The following SIX1 variants were observed in gnomAD, a reference collection of about 807,000 sequenced individuals.
SIX1 encodes the protein homeobox protein SIX1.
A neutral mutation model predicts 26.5 loss-of-function variants in SIX1; 11 were observed. That is an observed-to-expected ratio of 0.41 (90% confidence interval 0.26 to 0.69). The LOEUF is 0.69. SIX1 is among the 30% of genes least tolerant of loss of function. The probability of loss-of-function intolerance (pLI) is 0.28; values close to 1 mark genes in which losing one functional copy is unlikely to be tolerated. For synonymous variants in SIX1, 177 were observed against 166.2 expected (o/e 1.06, Z -0.50); for missense variants, 333 against 365.9 (o/e 0.91, Z 0.73).
Position 60,646,158 on chromosome 14 carries a change from C to T in SIX1, c.*125G>A. On this transcript the variant is annotated 3_prime_UTR_variant, in exon 2 of 2. Coordinates refer to ENST00000645694, the MANE Select transcript of SIX1 (RefSeq NM_005982.4). ...AGATATTTGTGAAAGTCCACCATTCCTTTATGCGCAAACAACTCCAGAAAC... is the reference window on the plus strand; with the variant it reads ...AGATATTTGTGAAAGTCCACCATTCTTTTATGCGCAAACAACTCCAGAAAC... 2.3e-6 allele frequency: 2 copies of T among 880,492 alleles called. No individual in the cohort carries two copies. Among genetic ancestry groups the T allele is most frequent in the South Asian group, 1.8e-5 (1 of 55,830 alleles). 54.5% of individuals were successfully genotyped at this position (880,492 alleles called of 1,614,324 possible). A position where few individuals can be genotyped will look rare whatever the true frequency, so the allele number is the denominator to read the frequency against.
In SIX1 at chr14:60,647,385, C is replaced by T. The variant is rs1397253135; in HGVS notation, c.561-808G>A. ...CATCCTTTCTGGGCAGGGGAAACTT[C>T]GCCGCCCCGCACAGGCTGCCAGCGG... On this transcript the variant is annotated intron_variant, in intron 1 of 1. Coordinates refer to ENST00000645694, the MANE Select transcript of SIX1 (RefSeq NM_005982.4). The surrounding 1 kb of genome is among the most constrained non-coding windows in gnomAD (Gnocchi z 5.1). 2.6e-5 allele frequency among the ~76,000 whole-genome samples: 4 copies of T among 152,214 alleles called. No individual in the cohort carries two copies. Among genetic ancestry groups the T allele is most frequent in the African/African-American group, 9.6e-5 (4 of 41,458 alleles).
rs1426634016 is a variant in SIX1 at position 60,647,189 on chromosome 14, C to T, written c.561-612G>A. 3.3e-5 allele frequency among the ~76,000 whole-genome samples: 5 copies of T among 152,238 alleles called. No homozygotes were observed. The highest frequency in any genetic ancestry group is 2.0e-4 in the Admixed American group (3 of 15,278). On this transcript the variant is annotated intron_variant, in intron 1 of 1. Coordinates refer to ENST00000645694, the MANE Select transcript of SIX1 (RefSeq NM_005982.4). This position sits in a 1 kb window ranked among gnomAD's most constrained non-coding sequence, Gnocchi z 5.1. ...GTGACCTGAGTAAACACAGGGAGCG[C>T]AGCCAGTCTCTGATTTCATCTGGAG...
In SIX1 at chr14:60,649,039, T is replaced by A; in HGVS notation, c.151A>T (p.Lys51Ter). 1 of 1,613,972 alleles carries A rather than the reference T, an allele frequency of 6.2e-7. No individual in the cohort carries two copies. The highest frequency in any genetic ancestry group is 8.5e-7 in the Non-Finnish European group (1 of 1,180,016). ...DHLHKNESVL[K>*]AKAVVAFHRG... is the part of the protein sequence containing the mutation. ...TGGAAGGCGACCACCGCCTTGGCCT[T>A]GAGTACGCTCTCGTTCTTGTGCAGG... Residue 51 changes from lysine to a stop codon, truncating the protein, a stop_gained, in exon 1 of 2, where the codon AAG becomes TAG. Transcript: ENST00000645694. LOFTEE classifies it high-confidence loss of function. The surrounding 1 kb of genome is among the most constrained non-coding windows in gnomAD (Gnocchi z 5.1).
In SIX1 at chr14:60,648,883, G is replaced by T; in HGVS notation, c.307C>A (p.Leu103Met). ...ACCCGATATTTGCCCACGGCGCCCA[G>T]GGGTCGGCCGCGCAGCTTCTCGGCC... is the stretch of plus-strand genomic sequence containing the variant. ...VEAEKLRGRP[L>M]GAVGKYRVRR... The change falls in exon 1 of 2, where the codon CTG becomes ATG. Residue 103 changes from leucine to methionine, a missense_variant. Transcript: ENST00000645694. The surrounding 1 kb of genome is among the most constrained non-coding windows in gnomAD (Gnocchi z 7.9). 1 of 1,614,212 alleles carries T rather than the reference G, an allele frequency of 6.2e-7. No individual in the cohort carries two copies. The highest frequency in any genetic ancestry group is 8.5e-7 in the Non-Finnish European group (1 of 1,180,040).
At position 60,645,528 on chromosome 14, in the gene SIX1, A is replaced by AAC; in HGVS notation, c.*754_*755insGT. The AAC allele has an allele frequency of 7.0e-6, 1 of 143,332 alleles. No homozygotes were observed. The highest frequency in any genetic ancestry group is 2.5e-5 in the African/African-American group (1 of 39,500). 8.9% of individuals were successfully genotyped at this position (143,332 alleles called of 1,614,324 possible). ...AGAGTTTGTCATTTAAAAAAAAAAA[A>AAC]CCCAAGAAAACAAACAACAACCAAA... On this transcript the variant is annotated 3_prime_UTR_variant, in exon 2 of 2. Transcript: ENST00000645694. The surrounding 1 kb of genome is among the most constrained non-coding windows in gnomAD (Gnocchi z 4.6).
At position 60,649,185 on chromosome 14, in the gene SIX1, G is replaced by A; in HGVS notation, c.5C>T (p.Ser2Leu). 6.2e-7 allele frequency: 1 copy of A among 1,607,488 alleles called. No individual in the cohort carries two copies. Among genetic ancestry groups the A allele is most frequent in the Non-Finnish European group, 8.5e-7 (1 of 1,179,812 alleles). M[S>L]MLPSFGFTQE... is the part of the protein sequence containing the mutation. ...CGTAAAGCCAAACGACGGCAGCATC[G>A]ACATGGCTGGGGCCTGCCGGGGCGC... Residue 2 changes from serine (S) to leucine (L), a missense_variant, in exon 1 of 2, where the codon TCG becomes TTG. Physicochemically the swap from Ser to Leu is moderately radical, Grantham distance 145. Transcript: ENST00000645694. This position sits in a 1 kb window ranked among gnomAD's most constrained non-coding sequence, Gnocchi z 5.1.
Position 60,645,231 on chromosome 14 carries a change from C to T in SIX1, c.*1052G>A, listed in dbSNP as rs990775062. 2 of 151,788 alleles carry T rather than the reference C, an allele frequency of 1.3e-5. No homozygotes were observed. The highest frequency in any genetic ancestry group is 6.6e-5 in the Admixed American group (1 of 15,266). 9.4% of individuals were successfully genotyped at this position (151,788 alleles called of 1,614,324 possible). ...AAAAAAAAATAGGGCCCAATGACAG[C>T]AATACACCACTCACCTTTCAGAAAC... On this transcript the variant is annotated 3_prime_UTR_variant, in exon 2 of 2. Coordinates refer to ENST00000645694, the MANE Select transcript of SIX1 (RefSeq NM_005982.4). The surrounding 1 kb of genome is among the most constrained non-coding windows in gnomAD (Gnocchi z 4.6).
Position 60,647,358 on chromosome 14 carries a change from C to A in SIX1, c.561-781G>T, listed in dbSNP as rs897691114. On this transcript the variant is annotated intron_variant, in intron 1 of 1. Transcript: ENST00000645694. This position sits in a 1 kb window ranked among gnomAD's most constrained non-coding sequence, Gnocchi z 5.1. Reference sequence around the variant, plus strand: ...AACTTCCTACCAACACCCACCCCAACCCATCCTTTCTGGGCAGGGGAAACT... The same window carrying A: ...AACTTCCTACCAACACCCACCCCAAACCATCCTTTCTGGGCAGGGGAAACT... Among the ~76,000 whole-genome samples, 1 of 152,254 alleles carries A rather than the reference C, an allele frequency of 6.6e-6. No individual in the cohort carries two copies. The highest frequency in any genetic ancestry group is 2.4e-5 in the African/African-American group (1 of 41,474).
chr14:60,646,799 G>C (rs1894951837), intron 1 of SIX1, among the ~76,000 whole-genome samples: 1 of 152,096 alleles, frequency 6.6e-6, no homozygotes, highest in African/African-American at 2.4e-5. Flanking sequence ...GAGAGCTACG[G>C]ACAGAGCCTC....
rs746385772 is a variant in SIX1 at position 60,645,032 on chromosome 14, T to C, written c.*1251A>G. The C allele has an allele frequency of 3.9e-5, 6 of 152,238 alleles. No homozygotes were observed. Among genetic ancestry groups the C allele is most frequent in the Non-Finnish European group, 7.3e-5 (5 of 68,042 alleles). The allele number at this position is 152,238 out of a possible 1,614,324, so 9.4% of individuals were successfully genotyped here. ...TTAACATATGAATGCTGTGAAGAGA[T>C]AGTGGTAAACAAAATTGCATATCTA... On this transcript the variant is annotated 3_prime_UTR_variant, in exon 2 of 2. Transcript: ENST00000645694. The surrounding 1 kb of genome is among the most constrained non-coding windows in gnomAD (Gnocchi z 4.6).
In SIX1 at chr14:60,648,189, G is replaced by A. The variant is rs1347358519; in HGVS notation, c.560+441C>T. Among the ~76,000 whole-genome samples, 1 of 152,188 alleles carries A rather than the reference G, an allele frequency of 6.6e-6. No homozygotes were observed. On this transcript the variant is annotated intron_variant, in intron 1 of 1. Transcript: ENST00000645694. The surrounding 1 kb of genome is among the most constrained non-coding windows in gnomAD (Gnocchi z 7.9). ...AGGCGGGAGTGGGGGCAGAGCCAAT[G>A]TCTCAGGCCAGCTTCACCCCTCTGG...
At position 60,644,802 on chromosome 14, in the gene SIX1, G is replaced by C. The variant is rs1008554191; in HGVS notation, c.*1481C>G. On this transcript the variant is annotated 3_prime_UTR_variant, in exon 2 of 2. Coordinates refer to ENST00000645694, the MANE Select transcript of SIX1 (RefSeq NM_005982.4). ...TTTTGCCCCAGGCAAAAATAATATG[G>C]AGCCTACATGATTACTGGGATTTTT... 6 of 152,306 alleles carry C rather than the reference G, an allele frequency of 3.9e-5. No individual in the cohort carries two copies. The highest frequency in any genetic ancestry group is 1.4e-4 in the African/African-American group (6 of 41,576). The allele number at this position is 152,306 out of a possible 1,614,324, so 9.4% of individuals were successfully genotyped here.
rs35799011 is a variant in SIX1 at position 60,643,428 on chromosome 14, T to TTTTTTTTTCA, written c.*2854_*2855insTGAAAAAAAA. ...ATAAACATCACTCGAGTGTTTTTTT[T>TTTTTTTTTCA]TTTTTTCATTTCACTTGGCACAATG... On this transcript the variant is annotated 3_prime_UTR_variant, in exon 2 of 2. Transcript: ENST00000645694. 6.6e-6 allele frequency: 1 copy of TTTTTTTTTCA among 151,640 alleles called. No individual in the cohort carries two copies. The highest frequency in any genetic ancestry group is 1.5e-5 in the Non-Finnish European group (1 of 67,858). The allele number at this position is 151,640 out of a possible 1,614,324, so 9.4% of individuals were successfully genotyped here.
In SIX1 at chr14:60,648,536, G is replaced by A. The variant is rs1197479221; in HGVS notation, c.560+94C>T. The A allele has an allele frequency of 1.0e-5, 13 of 1,295,018 alleles. No individual in the cohort carries two copies. The highest frequency in any genetic ancestry group is 5.1e-5 in the East Asian group (2 of 39,594). 80.2% of individuals were successfully genotyped at this position (1,295,018 alleles called of 1,614,324 possible). On this transcript the variant is annotated intron_variant, in intron 1 of 1. Transcript: ENST00000645694. The surrounding 1 kb of genome is among the most constrained non-coding windows in gnomAD (Gnocchi z 7.9). ...TGGACGGGCTCCGGCCGGCGGGGAG[G>A]ACTTGGTGGCTGGTGCCTGCGGGGG...
chr14:60,649,305 G>T lies in SIX1; in HGVS notation c.-116C>A. ...CGGCTGTTCCTAACCTCCTCCTTAG[G>T]CTTTGCAAAGGCGAAAACCGGAGTC... On this transcript the variant is annotated 5_prime_UTR_variant, in exon 1 of 2. Transcript: ENST00000645694. This position sits in a 1 kb window ranked among gnomAD's most constrained non-coding sequence, Gnocchi z 5.1. The T allele has an allele frequency of 1.1e-6, 1 of 904,994 alleles. No homozygotes were observed. Among genetic ancestry groups the T allele is most frequent in the Non-Finnish European group, 1.7e-6 (1 of 602,192 alleles). The allele number at this position is 904,994 out of a possible 1,614,324, so 56.1% of individuals were successfully genotyped here. A position where few individuals can be genotyped will look rare whatever the true frequency, so the allele number is the denominator to read the frequency against.
rs766271672 is a variant in SIX1 at position 60,646,398 on chromosome 14, G to T, written c.740C>A (p.Ser247Tyr). Residue 247 changes from serine to tyrosine, a missense_variant, in exon 2 of 2, where the codon TCT becomes TAT. This residue lies in a region of SIX1 where 199 missense variants were observed against 215.2 expected (regional missense o/e 0.92). Transcript: ENST00000645694. Reference protein sequence around the residue: ...NMGHARSSNYSLPGLTASQPS... With the variant: ...NMGHARSSNYYLPGLTASQPS... ...CTGCGAGGCTGTTAAGCCCGGGAGA[G>T]AATAGTTTGAGCTCCTGGCGTGGCC... 5.6e-6 allele frequency: 9 copies of T among 1,614,050 alleles called. No homozygotes were observed. Among genetic ancestry groups the T allele is most frequent in the South Asian group, 1.1e-5 (1 of 91,082 alleles).
chr14:60,646,658 AGGGAG>A, intron 1 of SIX1, 81 bp from the exon 2 acceptor site: 3 of 1,255,868 alleles, frequency 2.4e-6, no homozygotes, highest in Non-Finnish European at 2.2e-6. Flanking sequence ...TGTGAGATGG[AGGGAG>A]GGGAGCTGGA....
chr14:60,649,010 G>A lies in SIX1; in HGVS notation c.180C>T (p.Arg60=). 1 of 1,613,932 alleles carries A rather than the reference G, an allele frequency of 6.2e-7. No individual in the cohort carries two copies. Among genetic ancestry groups the A allele is most frequent in the African/African-American group, 1.3e-5 (1 of 75,008 alleles). Residue 60 remains arginine, a synonymous_variant, in exon 1 of 2, where the codon CGC becomes CGT. Transcript: ENST00000645694. The surrounding 1 kb of genome is among the most constrained non-coding windows in gnomAD (Gnocchi z 5.1). ...LKAKAVVAFH[R]GNFRELYKIL... The stretch of plus-strand genomic sequence containing the variant: ...TCTTGTAGAGCTCACGGAAGTTGCC[G>A]CGGTGGAAGGCGACCACCGCCTTGG...
Position 60,648,540 on chromosome 14 carries a change from T to A in SIX1, c.560+90A>T, listed in dbSNP as rs1894994214. 2 of 1,342,356 alleles carry A rather than the reference T, an allele frequency of 1.5e-6. No homozygotes were observed. Among genetic ancestry groups the A allele is most frequent in the African/African-American group, 1.4e-5 (1 of 69,246 alleles). 83.2% of individuals were successfully genotyped at this position (1,342,356 alleles called of 1,614,324 possible). A position where few individuals can be genotyped will look rare whatever the true frequency, so the allele number is the denominator to read the frequency against. On this transcript the variant is annotated intron_variant, in intron 1 of 1. Coordinates refer to ENST00000645694, the MANE Select transcript of SIX1 (RefSeq NM_005982.4). The surrounding 1 kb of genome is among the most constrained non-coding windows in gnomAD (Gnocchi z 7.9). The stretch of plus-strand genomic sequence containing the variant: ...CGGGCTCCGGCCGGCGGGGAGGACT[T>A]GGTGGCTGGTGCCTGCGGGGGCGGG...
Sources: allele counts gnomAD v4.1 joint callset (sites outside exome capture counted in the v4.1 genomes callset), GRCh38; gene constraint gnomAD v4.1.1; regional missense constraint gnomAD v4.1.1; non-coding constraint Gnocchi (gnomAD v3.1); transcripts MANE v1.5; gene names NCBI Gene and HGNC (gene_info 2026-07-23, HGNC 2026-07-21).